The following PREX1 variants were observed in gnomAD, a reference collection of about 807,000 sequenced individuals.
The protein encoded by PREX1 is phosphatidylinositol-3,4,5-trisphosphate dependent Rac exchange factor 1.
A neutral mutation model predicts 198.3 loss-of-function variants in PREX1; 41 were observed. That is an observed-to-expected ratio of 0.21 (90% CI 0.16 to 0.27). The LOEUF (loss-of-function observed/expected upper bound fraction) is 0.27, where lower values mean the gene tolerates loss of function less well. Among genes scored for constraint, PREX1 ranks in the 10% least tolerant of loss-of-function variants. The pLI is 1.00. For synonymous variants in PREX1, 843 were observed against 887.2 expected (o/e 0.95, Z 0.89); for missense variants, 1,620 against 2,200.7 (o/e 0.74, Z 5.28).
Position 48,625,464 on chromosome 20 carries a change from C to T in PREX1, c.*421G>A, listed in dbSNP as rs746651626. 4 of 173,346 alleles carry T rather than the reference C, an allele frequency of 2.3e-5. No individual in the cohort carries two copies. Among genetic ancestry groups the T allele is most frequent in the Admixed American group, 6.3e-5 (1 of 15,940 alleles). The allele number at this position is 173,346 out of a possible 1,614,324, so 10.7% of individuals were successfully genotyped here. The stretch of plus-strand genomic sequence containing the variant: ...AAGCTAAGATGAGGAGGAGGAGACA[C>T]GTGTGGTCACCTGGAATGTGGACGT... On this transcript the variant is annotated 3_prime_UTR_variant, in exon 40 of 40. Transcript: ENST00000371941.
chr20:48,873,589 G>A, the PREX1 span, among the ~76,000 whole-genome samples: 1 of 150,388 alleles, frequency 6.6e-6, no homozygotes, highest in African/African-American at 2.4e-5. Context: ...GTATGGTGGC[G>A]GGCGCCTATA....
intron 25 of PREX1, 107 bp from the exon 26 acceptor site, chr20:48,646,164 G>A: frequency 1.8e-6 from 2 of 1,111,038 alleles, no homozygotes; most frequent in Non-Finnish European, 2.6e-6. Context: ...CCCTCCTGTT[G>A]GGGGTGGGAG....
chr20:48,642,532 C>A (rs779439091), intron 27 of PREX1, 43 bp from the exon 28 acceptor site: 4 of 1,505,350 alleles, frequency 2.7e-6, no homozygotes, highest in Admixed American at 1.8e-5. Context: ...ATTCCTGCCC[C>A]ACCTCACACC....
chr20:48,679,173 C>G (rs553431391), intron 13 of PREX1, among the ~76,000 whole-genome samples, 187 bp downstream of exon 13: 23 of 152,342 alleles, frequency 1.5e-4, no homozygotes, highest in Non-Finnish European at 2.9e-4. Flanking sequence ...ACCTGCATCA[C>G]TACACTGCAG....
intron 1 of PREX1, among the ~76,000 whole-genome samples, chr20:48,777,852 T>C (rs2426102): frequency 2.0e-5 from 3 of 151,944 alleles, no homozygotes; most frequent in Non-Finnish European, 4.4e-5. Context: ...ATCATCATCA[T>C]CAGCAGCAGC....
At chr20:48,679,959 G>A (rs560352711) in intron 11 of PREX1, among the ~76,000 whole-genome samples, 2 of 152,180 alleles carry the variant, frequency 1.3e-5, no homozygotes, top group Non-Finnish European at 2.9e-5. Flanking sequence ...TTTTGCACAT[G>A]AGGATACCCC....
At chr20:48,696,104 C>A (rs887313306) in intron 7 of PREX1, among the ~76,000 whole-genome samples, 8 of 152,210 alleles carry the variant, frequency 5.3e-5, no homozygotes, top group Non-Finnish European at 1.0e-4. Flanking sequence ...TTCTTAATTA[C>A]AGTATAGTCT....
intron 23 of PREX1, 71 bp downstream of exon 23, chr20:48,650,823 C>T: frequency 6.4e-7 from 1 of 1,557,596 alleles, no homozygotes; most frequent in African/African-American, 1.4e-5. Context: ...TAATTTACAA[C>T]CCAAATATCC....
chr20:48,707,686 T>C (rs980241966), intron 6 of PREX1, among the ~76,000 whole-genome samples: 1 of 152,200 alleles, frequency 6.6e-6, no homozygotes, highest in Non-Finnish European at 1.5e-5. Context: ...AAACCTCTAA[T>C]AATCTAAGGA....
chr20:48,715,849 T>A (rs1406901129), intron 5 of PREX1, among the ~76,000 whole-genome samples: 5 of 152,184 alleles, frequency 3.3e-5, no homozygotes, highest in Non-Finnish European at 5.9e-5. Flanking sequence ...CATTTCATCC[T>A]CGAATCATCC....
At chr20:48,687,610 T>G (rs1004584658) in intron 10 of PREX1, among the ~76,000 whole-genome samples, 3 of 152,094 alleles carry the variant, frequency 2.0e-5, no homozygotes, top group Admixed American at 6.5e-5. Context: ...GTCCTTACAT[T>G]CTAAATAAAG....
intron 5 of PREX1, among the ~76,000 whole-genome samples, chr20:48,717,919 C>T (rs143670318): frequency 2.6e-5 from 4 of 152,304 alleles, no homozygotes; most frequent in African/African-American, 9.6e-5. Flanking sequence ...GTGATGAGAC[C>T]AAGCTAAATG....
At chr20:48,683,380 T>TCA (rs2089764787) in intron 10 of PREX1, among the ~76,000 whole-genome samples, 1 of 152,210 alleles carries the variant, frequency 6.6e-6, no homozygotes, top group Non-Finnish European at 1.5e-5. Flanking sequence ...CAAGGAGGGT[T>TCA]CACAGCTTGC....
intron 15 of PREX1, among the ~76,000 whole-genome samples, chr20:48,661,444 A>AAAAATATATATATAT (rs1555832820): frequency 2.0e-5 from 1 of 49,592 alleles, no homozygotes; most frequent in Non-Finnish European, 3.1e-5. Flanking sequence ...AAAAAAAAAA[A>AAAAATATATATATAT]ATATATATAT....
At chr20:48,664,411 C>T (rs1366279370) in intron 15 of PREX1, among the ~76,000 whole-genome samples, 1 of 150,512 alleles carries the variant, frequency 6.6e-6, no homozygotes, top group African/African-American at 2.4e-5. Context: ...GAGCTAGGAG[C>T]AGAGTGATGA....
chr20:48,726,151 G>C, intron 5 of PREX1, 139 bp downstream of exon 5: 1 of 662,608 alleles, frequency 1.5e-6, no homozygotes, highest in South Asian at 1.9e-5. Flanking sequence ...GAGAGAGAAA[G>C]AGGCAGGGTC....
intron 1 of PREX1, among the ~76,000 whole-genome samples, chr20:48,775,913 A>G (rs2090259127): frequency 1.3e-5 from 2 of 152,122 alleles, no homozygotes; most frequent in Admixed American, 1.3e-4. Context: ...ATGGACTAAT[A>G]CAGGCGGTTT....
the PREX1 span, among the ~76,000 whole-genome samples, chr20:48,846,608 G>A: frequency 6.6e-6 from 1 of 152,140 alleles, no homozygotes; most frequent in African/African-American, 2.4e-5. Context: ...GCCGCTCCTG[G>A]CGGTCAAAGG....
At chr20:48,770,962 C>T (rs998978870) in intron 1 of PREX1, among the ~76,000 whole-genome samples, 1 of 152,062 alleles carries the variant, frequency 6.6e-6, no homozygotes, top group Non-Finnish European at 1.5e-5. Context: ...TCCCCAGGCA[C>T]CTGCGATGGG....
Sources: gnomAD v4.1 joint callset for allele counts (sites outside exome capture counted in the v4.1 genomes callset) on GRCh38, gnomAD v4.1.1 for gene constraint, MANE v1.5 for transcripts, NCBI Gene and HGNC (gene_info 2026-07-23, HGNC 2026-07-21) for gene names.